LETM1: variants seen among roughly 807,000 people sequenced by gnomAD.
LETM1 encodes leucine zipper and EF-hand containing transmembrane protein 1, also known as mitochondrial proton/calcium exchanger protein.
LETM1 carries 50 observed loss-of-function variants against 74.5 expected under a neutral mutation model. That is an observed-to-expected ratio of 0.67 (90% CI 0.53 to 0.85). LETM1 has a LOEUF of 0.85. Ranked by LOEUF, LETM1 falls within the 40% of genes least tolerant of loss-of-function variation. The pLI is 0.00. For missense variants in LETM1, 824 were observed against 967.8 expected (o/e 0.85, Z 1.97); for synonymous variants, 446 against 407.1 (o/e 1.10, Z -1.15).
intron 10 of LETM1, among the ~76,000 whole-genome samples, chr4:1,821,290 C>T (rs558060907): frequency 5.0e-4 from 75 of 151,438 alleles, no homozygotes; most frequent in African/African-American, 1.7e-3. Flanking sequence ...AATGGGGTTT[C>T]ACCATGTTAG....
At chr4:1,842,145 G>A (rs2108852217) in intron 2 of LETM1, among the ~76,000 whole-genome samples, 1 of 152,318 alleles carries the variant, frequency 6.6e-6, no homozygotes, top group Admixed American at 6.5e-5. Context: ...GAGGTAGGGT[G>A]CATTGCTTTG....
chr4:1,847,063 GCTCA>G (rs33922213), intron 2 of LETM1, among the ~76,000 whole-genome samples: 8,059 of 152,252 alleles, frequency 0.053, 711 homozygotes, highest in African/African-American at 0.18. Flanking sequence ...GGGTGCAGTG[GCTCA>G]CACCTGTAAT....
chr4:1,836,478 T>C lies in LETM1; in HGVS notation c.689A>G (p.Lys230Arg). 1 of 1,613,590 alleles carries C rather than the reference T, an allele frequency of 6.2e-7. No individual in the cohort carries two copies. The highest frequency in any genetic ancestry group is 1.1e-5 in the South Asian group (1 of 91,036). Residue 230 changes from lysine to arginine, a missense_variant, in exon 4 of 14, where the codon AAG becomes AGG. Physicochemically the swap from Lys to Arg is conservative, Grantham distance 26. Around this residue, in one of 4 missense-constraint regions of LETM1, gnomAD observed 269 missense variants for 348.8 expected, o/e 0.77. Coordinates refer to ENST00000302787, the MANE Select transcript of LETM1 (RefSeq NM_012318.3). This position sits in a 1 kb window ranked among gnomAD's most constrained non-coding sequence, Gnocchi z 5.8. ...FMEFLLPVAVKLFPNMLPSTF... is the reference protein window; with the variant it reads ...FMEFLLPVAVRLFPNMLPSTF... ...GGATGGCAACATGTTGGGGAAGAGC[T>C]TCACAGCAACAGGCAGCAGAAACTC...
chr4:1,823,865 C>T, intron 7 of LETM1, 90 bp from the exon 8 acceptor site: 1 of 1,394,742 alleles, frequency 7.2e-7, no homozygotes, highest in Non-Finnish European at 9.7e-7. Flanking sequence ...CAGAATAGCT[C>T]TCAGAGAAGA....
intron 2 of LETM1, among the ~76,000 whole-genome samples, chr4:1,846,884 T>C (rs1187036993): frequency 6.6e-6 from 1 of 152,052 alleles, no homozygotes; most frequent in Non-Finnish European, 1.5e-5. Flanking sequence ...CTACAAGAGC[T>C]GAACAAATAA....
rs1015140701 is a variant in LETM1 at position 1,822,400 on chromosome 4, GC to G, written c.1477-89del. The G allele has an allele frequency of 5.6e-4, 728 of 1,302,912 alleles. 3 individuals carry two copies. The highest frequency in any genetic ancestry group is 5.3e-4 in the Non-Finnish European group (536 of 1,010,090). The allele number at this position is 1,302,912 out of a possible 1,614,324, so 80.7% of individuals were successfully genotyped here. On this transcript the variant is annotated intron_variant, in intron 9 of 13. Transcript: ENST00000302787. ...CCGAAGCTCAGAACATATGGCAGAG[GC>G]CACACTGGGAGCAGGCCTGCAGGTG...
intron 1 of LETM1, 61 bp from the exon 2 acceptor site, chr4:1,849,270 T>C: frequency 1.6e-6 from 2 of 1,263,172 alleles, no homozygotes; most frequent in Non-Finnish European, 1.2e-6. Context: ...CTGATACCTT[T>C]TTTTGTTGTT....
chr4:1,822,640 TGAA>T (rs1409004403), intron 9 of LETM1: 1 of 340,582 alleles, frequency 2.9e-6, no homozygotes. Flanking sequence ...GGGCCCGCGT[TGAA>T]GAGGAGCCCA....
chr4:1,844,827 T>C (rs967586284), intron 2 of LETM1, among the ~76,000 whole-genome samples: 1 of 141,058 alleles, frequency 7.1e-6, no homozygotes, highest in African/African-American at 2.7e-5. Flanking sequence ...GCAGGAGCGC[T>C]GCTCAAGTCC....
intron 2 of LETM1, 39 bp from the exon 3 acceptor site, chr4:1,841,836 G>A (rs775308112): frequency 2.0e-6 from 3 of 1,482,402 alleles, no homozygotes; most frequent in African/African-American, 2.8e-5. Context: ...GTAAGAGCCA[G>A]CACTAGCCTT....
intron 1 of LETM1, among the ~76,000 whole-genome samples, chr4:1,849,665 T>C (rs1425657697): frequency 6.6e-6 from 1 of 152,202 alleles, no homozygotes; most frequent in Non-Finnish European, 1.5e-5. Flanking sequence ...CAAGGGATCC[T>C]TTTGCCTCAG....
intron 6 of LETM1, among the ~76,000 whole-genome samples, chr4:1,826,908 G>A (rs1010442195): frequency 2.0e-5 from 3 of 152,166 alleles, no homozygotes; most frequent in Admixed American, 6.5e-5. Flanking sequence ...AGTGGAGTCG[G>A]CGCTCCACCC....
chr4:1,845,539 CTTTTTTT>C lies in LETM1; in HGVS notation c.143+3603_143+3609del, dbSNP rs565953029. Among the ~76,000 whole-genome samples, 7 of 137,428 alleles carry C rather than the reference CTTTTTTT, an allele frequency of 5.1e-5. No individual in the cohort carries two copies. In the East Asian group the frequency reaches 8.3e-4, roughly 16 times the overall value. The allele number at this position is 137,428 out of a possible 152,430, so 90.2% of individuals were successfully genotyped here. On this transcript the variant is annotated intron_variant, in intron 2 of 13. Transcript: ENST00000302787. ...TTACCACCATCCATAATTCTTTTTTCTTTTTTTTTTCTTTTTTTTTTTTTTCGAGACA... is the reference window on the plus strand; with the variant it reads ...TTACCACCATCCATAATTCTTTTTTCTTTCTTTTTTTTTTTTTTCGAGACA...
chr4:1,831,890 G>A (rs1166155359), intron 6 of LETM1, among the ~76,000 whole-genome samples: 1 of 152,188 alleles, frequency 6.6e-6, no homozygotes, highest in African/African-American at 2.4e-5. Context: ...AAGGCCTACG[G>A]ACCACCCAGT....
At chr4:1,851,434 C>A (rs568016691) in intron 1 of LETM1, among the ~76,000 whole-genome samples, 1 of 152,100 alleles carries the variant, frequency 6.6e-6, no homozygotes, top group East Asian at 1.9e-4. Flanking sequence ...TGGACCGATA[C>A]GTCACTTCAC....
chr4:1,816,987 T>C (rs1488853396), intron 11 of LETM1, 73 bp from the exon 12 acceptor site: 3 of 1,294,696 alleles, frequency 2.3e-6, no homozygotes, highest in African/African-American at 2.9e-5. Context: ...GGCTCACGCC[T>C]GTAATCCCAG....
Position 1,834,513 on chromosome 4 carries a change from C to T in LETM1, c.876+332G>A, listed in dbSNP as rs1462467657. ...CAGAGGGCAATGCCCAGCAGAGGAG[C>T]CCGGCCAAGCCACCCACACCTCACA... On this transcript the variant is annotated intron_variant, in intron 5 of 13. Transcript: ENST00000302787. This position sits in a 1 kb window ranked among gnomAD's most constrained non-coding sequence, Gnocchi z 5.0. The T allele has an allele frequency of 5.5e-6, 6 of 1,092,976 alleles. No homozygotes were observed. The highest frequency in any genetic ancestry group is 5.6e-6 in the Non-Finnish European group (5 of 896,684). The allele number at this position is 1,092,976 out of a possible 1,614,324, so 67.7% of individuals were successfully genotyped here.
In LETM1 at chr4:1,822,310, C is replaced by G. The variant is rs1237884239; in HGVS notation, c.1479G>C (p.Lys493Asn). ...KELQKRSEVAKDFEPERVVAA... is the reference protein window; with the variant it reads ...KELQKRSEVANDFEPERVVAA... Reference sequence around the variant, plus strand: ...CTACCACACGTTCGGGCTCAAAATCCTTCTGAAAGGCAAGGCGACACCAGC... The same window carrying G: ...CTACCACACGTTCGGGCTCAAAATCGTTCTGAAAGGCAAGGCGACACCAGC... The change falls in exon 10 of 14, where the codon AAG becomes AAC. Residue 493 changes from lysine (K) to asparagine (N), a missense_variant and splice_region_variant. Lys to Asn is a moderately conservative substitution (Grantham distance 94). Around this residue, in one of 4 missense-constraint regions of LETM1, gnomAD observed 172 missense variants for 170.7 expected, o/e 1.01. Transcript: ENST00000302787. 1 of 1,495,534 alleles carries G rather than the reference C, an allele frequency of 6.7e-7. No individual in the cohort carries two copies. Among genetic ancestry groups the G allele is most frequent in the Non-Finnish European group, 9.0e-7 (1 of 1,114,610 alleles). The allele number at this position is 1,495,534 out of a possible 1,614,324, so 92.6% of individuals were successfully genotyped here.
chr4:1,842,992 T>G (rs1712756809), intron 2 of LETM1: 1 of 337,738 alleles, frequency 3.0e-6, no homozygotes, highest in Non-Finnish European at 5.9e-6. Flanking sequence ...TCCCCCCGGG[T>G]GGCCCGAGCT....
Sources: gnomAD v4.1 joint callset for allele counts (sites outside exome capture counted in the v4.1 genomes callset) on GRCh38, gnomAD v4.1.1 for gene constraint, gnomAD v4.1.1 regional missense constraint, Gnocchi (gnomAD v3.1) non-coding constraint, MANE v1.5 for transcripts, NCBI Gene and HGNC (gene_info 2026-07-23, HGNC 2026-07-21) for gene names.